The following NRG3 variants were observed in gnomAD, a reference collection of about 807,000 sequenced individuals.
The protein encoded by NRG3 is pro-neuregulin-3, membrane-bound isoform.
Under a neutral mutation model 66.9 loss-of-function variants are expected in NRG3, and 31 were observed. The ratio of observed to expected loss-of-function variants is 0.46; its 90% CI spans 0.35 to 0.63. The LOEUF is 0.63. NRG3 is among the 20% of genes least tolerant of loss of function. The probability of loss-of-function intolerance (pLI) is 0.00; values close to 1 mark genes in which losing one functional copy is unlikely to be tolerated. For synonymous variants in NRG3, 393 were observed against 359.4 expected, an observed-to-expected ratio of 1.09 and a Z score of -1.06; for missense variants, 910 against 878.9, an observed-to-expected ratio of 1.04 and a Z score of -0.45.
At chr10:82,789,026 A>G (rs1412035003) in intron 3 of NRG3, among the ~76,000 whole-genome samples, 2 of 151,990 alleles carry the variant, frequency 1.3e-5, no homozygotes, top group Non-Finnish European at 2.9e-5. Context: ...TTTTGAATAT[A>G]TATACTCAAA....
intron 2 of NRG3, among the ~76,000 whole-genome samples, chr10:82,404,268 A>C (rs1254821166): frequency 1.3e-5 from 2 of 152,098 alleles, no homozygotes; most frequent in African/African-American, 2.4e-5. Context: ...TTTTCTTGGT[A>C]CTCATTGGAC....
intron 1 of NRG3, among the ~76,000 whole-genome samples, chr10:82,026,858 C>G (rs1026851904): frequency 1.3e-5 from 2 of 151,710 alleles, no homozygotes; most frequent in African/African-American, 4.8e-5. Context: ...TCTTCCTAGG[C>G]AAAAAAAGCT....
chr10:82,785,851 A>T (rs2135326654), intron 3 of NRG3, among the ~76,000 whole-genome samples: 1 of 152,318 alleles, frequency 6.6e-6, no homozygotes, highest in Non-Finnish European at 1.5e-5. Context: ...TAATAGTGTG[A>T]CAAAGGTGTT....
At chr10:82,200,524 G>A (rs1349555845) in intron 1 of NRG3, among the ~76,000 whole-genome samples, 2 of 152,296 alleles carry the variant, frequency 1.3e-5, no homozygotes, top group South Asian at 2.1e-4. Context: ...CAAGGAATGA[G>A]GGGATAGGGA....
chr10:81,917,730 C>G (rs10786764), intron 1 of NRG3, among the ~76,000 whole-genome samples: 65,739 of 152,084 alleles, frequency 0.43, 17,168 homozygotes, highest in East Asian at 0.81. Context: ...GTTTGTCTTT[C>G]ACTTCACAAA....
intron 1 of NRG3, among the ~76,000 whole-genome samples, chr10:81,911,426 C>T (rs1483038432): frequency 6.6e-6 from 1 of 151,910 alleles, no homozygotes; most frequent in Non-Finnish European, 1.5e-5. Flanking sequence ...AGGAAGCTCT[C>T]ATCTTTCATT....
At chr10:82,903,177 A>G (rs980940041) in intron 4 of NRG3, among the ~76,000 whole-genome samples, 1 of 152,178 alleles carries the variant, frequency 6.6e-6, no homozygotes, top group Non-Finnish European at 1.5e-5. Context: ...TTCACTGCAT[A>G]CCATTCACTA....
intron 3 of NRG3, among the ~76,000 whole-genome samples, chr10:82,750,701 A>T (rs1019168074): frequency 3.3e-5 from 5 of 152,204 alleles, no homozygotes; most frequent in African/African-American, 1.2e-4. Context: ...TACAAAAATA[A>T]TCAATTTGTA....
intron 6 of NRG3, among the ~76,000 whole-genome samples, chr10:82,967,330 T>A (rs1164139419): frequency 6.6e-6 from 1 of 152,136 alleles, no homozygotes; most frequent in Admixed American, 6.6e-5. Context: ...CATTGATGTC[T>A]ACCCCCAAAT....
At chr10:82,565,836 C>A (rs1453421902) in intron 2 of NRG3, among the ~76,000 whole-genome samples, 1 of 152,014 alleles carries the variant, frequency 6.6e-6, no homozygotes, top group Admixed American at 6.6e-5. Context: ...AAGGTCACTA[C>A]AGAATCAGGG....
intron 2 of NRG3, among the ~76,000 whole-genome samples, chr10:82,582,649 A>G (rs1401228459): frequency 6.7e-6 from 1 of 148,768 alleles, no homozygotes; most frequent in African/African-American, 2.5e-5. Flanking sequence ...AGAGGGAAAA[A>G]TATCTATATG....
chr10:82,503,898 G>C (rs1469497870), intron 2 of NRG3, among the ~76,000 whole-genome samples: 1 of 152,024 alleles, frequency 6.6e-6, no homozygotes, highest in Non-Finnish European at 1.5e-5. Flanking sequence ...AATGTAGTGG[G>C]GTGTACTTTA....
chr10:81,999,933 C>T (rs2061096972), intron 1 of NRG3, among the ~76,000 whole-genome samples: 3 of 152,148 alleles, frequency 2.0e-5, no homozygotes, highest in Admixed American at 2.0e-4. Context: ...GTCACATGAT[C>T]CTTGTCTGGA....
At chr10:82,371,693 G>A (rs2030832305) in intron 2 of NRG3, among the ~76,000 whole-genome samples, 1 of 152,166 alleles carries the variant, frequency 6.6e-6, no homozygotes, top group African/African-American at 2.4e-5. Flanking sequence ...GATTCTGATA[G>A]TTGGGAGGTT....
intron 4 of NRG3, among the ~76,000 whole-genome samples, chr10:82,897,514 T>A (rs1843774655): frequency 6.6e-6 from 1 of 152,122 alleles, no homozygotes; most frequent in African/African-American, 2.4e-5. Context: ...AACTAACATG[T>A]CTTTTTTGTT....
At chr10:82,635,928 A>G (rs558345933) in intron 2 of NRG3, among the ~76,000 whole-genome samples, 2 of 152,230 alleles carry the variant, frequency 1.3e-5, no homozygotes, top group South Asian at 4.1e-4. Flanking sequence ...GAGTGGTGTC[A>G]GAGTTGAAGT....
chr10:82,228,702 A>C (rs2076292442), intron 1 of NRG3, among the ~76,000 whole-genome samples: 1 of 152,242 alleles, frequency 6.6e-6, no homozygotes, highest in African/African-American at 2.4e-5. Flanking sequence ...ATTTAAAATA[A>C]CTAGAAGGAA....
intron 1 of NRG3, among the ~76,000 whole-genome samples, chr10:81,988,990 G>T (rs1418395985): frequency 6.6e-6 from 1 of 152,032 alleles, no homozygotes; most frequent in African/African-American, 2.4e-5. Flanking sequence ...TAACGCAAGT[G>T]AGGCATTATA....
At chr10:82,195,058 C>T (rs2074372975) in intron 1 of NRG3, among the ~76,000 whole-genome samples, 2 of 152,044 alleles carry the variant, frequency 1.3e-5, no homozygotes, top group Non-Finnish European at 2.9e-5. Context: ...TAGATTCCTT[C>T]CTAGATGTAG....
Sources: gnomAD v4.1 joint callset for allele counts (sites outside exome capture counted in the v4.1 genomes callset) on GRCh38, gnomAD v4.1.1 for gene constraint, MANE v1.5 for transcripts, NCBI Gene and HGNC (gene_info 2026-07-23, HGNC 2026-07-21) for gene names.